The following CNTNAP2 variants were observed in gnomAD, a reference collection of about 807,000 sequenced individuals.
CNTNAP2 encodes the protein contactin-associated protein-like 2.
Under a neutral mutation model 155.2 loss-of-function variants are expected in CNTNAP2, and 98 were observed. The observed-to-expected ratio is 0.63, with a 90% confidence interval of 0.54 to 0.75. The LOEUF (loss-of-function observed/expected upper bound fraction) is 0.75, where lower values mean the gene tolerates loss of function less well. Ranked by LOEUF, CNTNAP2 falls within the 30% of genes least tolerant of loss-of-function variation. CNTNAP2 has a pLI of 0.00. For missense variants in CNTNAP2, 1,727 were observed against 1,688.1 expected (o/e 1.02, Z -0.40); for synonymous variants, 651 against 631.2 (o/e 1.03, Z -0.47).
intron 2 of CNTNAP2, among the ~76,000 whole-genome samples, chr7:146,817,218 T>G (rs1803189335): frequency 6.6e-6 from 1 of 152,042 alleles, no homozygotes; most frequent in Non-Finnish European, 1.5e-5. Flanking sequence ...ACCCCTGTAA[T>G]CCCAGCACTT....
intron 2 of CNTNAP2, among the ~76,000 whole-genome samples, chr7:146,831,878 T>C (rs1803520182): frequency 6.6e-6 from 1 of 151,554 alleles, no homozygotes; most frequent in African/African-American, 2.4e-5. Flanking sequence ...GTATTATATC[T>C]TCTTTCTTCT....
At chr7:148,084,720 T>A (rs1302942828) in intron 15 of CNTNAP2, among the ~76,000 whole-genome samples, 1 of 152,150 alleles carries the variant, frequency 6.6e-6, no homozygotes, top group Non-Finnish European at 1.5e-5. Flanking sequence ...ATCATTTGGG[T>A]CTCTTGTCCA....
intron 1 of CNTNAP2, among the ~76,000 whole-genome samples, chr7:146,655,683 A>G (rs1304989760): frequency 6.6e-6 from 1 of 152,108 alleles, no homozygotes; most frequent in Admixed American, 6.6e-5. Flanking sequence ...TGAGTCTAAT[A>G]TAGTACAACA....
At chr7:147,373,410 AGGTAG>A (rs1796382104) in intron 9 of CNTNAP2, among the ~76,000 whole-genome samples, 1 of 152,106 alleles carries the variant, frequency 6.6e-6, no homozygotes, top group Admixed American at 6.6e-5. Flanking sequence ...TATGAATTTT[AGGTAG>A]GTGCACAAAT....
intron 1 of CNTNAP2, among the ~76,000 whole-genome samples, chr7:146,664,449 C>T (rs1007283710): frequency 6.6e-6 from 1 of 152,234 alleles, no homozygotes; most frequent in East Asian, 1.9e-4. Flanking sequence ...GCGTGACCCA[C>T]CATGCCCAGC....
In CNTNAP2 at chr7:148,103,234, A is replaced by G. The variant is rs1340705169; in HGVS notation, c.2384-14884A>G. ...TTTTTTTTTTTTTATCTTAGTAGCT[A>G]TCGTTTTTAGGAATACAGTGGAGGC... is the stretch of plus-strand genomic sequence containing the variant. On this transcript the variant is annotated intron_variant, in intron 15 of 23. Transcript: ENST00000361727. 3.4e-5 allele frequency among the ~76,000 whole-genome samples: 5 copies of G among 147,614 alleles called. No homozygotes were observed. The Admixed American group carries it at 3.4e-4, about 10-fold the overall frequency.
intron 3 of CNTNAP2, among the ~76,000 whole-genome samples, chr7:146,916,542 AC>A (rs1335590224): frequency 6.6e-6 from 1 of 151,910 alleles, no homozygotes; most frequent in Non-Finnish European, 1.5e-5. Flanking sequence ...TCTATTTCTT[AC>A]TAGTTTAATC....
intron 9 of CNTNAP2, among the ~76,000 whole-genome samples, chr7:147,392,696 T>G (rs1267331145): frequency 1.3e-5 from 2 of 152,102 alleles, no homozygotes; most frequent in African/African-American, 4.8e-5. Flanking sequence ...TTCATTTAAT[T>G]TTATGACTGA....
At chr7:146,363,059 G>A (rs547050982) in intron 1 of CNTNAP2, among the ~76,000 whole-genome samples, 19 of 137,904 alleles carry the variant, frequency 1.4e-4, no homozygotes, top group Middle Eastern at 3.7e-3. Context: ...GTGAGCCACC[G>A]CGCCTGGCCC....
intron 1 of CNTNAP2, among the ~76,000 whole-genome samples, chr7:146,645,772 T>A (rs1472464948): frequency 6.6e-6 from 1 of 150,624 alleles, no homozygotes; most frequent in Non-Finnish European, 1.5e-5. Context: ...AGCTACCCAG[T>A]GTGTGTGTGT....
At chr7:146,170,958 C>T (rs1009706996) in intron 1 of CNTNAP2, among the ~76,000 whole-genome samples, 4 of 151,940 alleles carry the variant, frequency 2.6e-5, no homozygotes, top group African/African-American at 9.7e-5. Context: ...ACCTGGGGGG[C>T]GGAGGTTACA....
At chr7:147,315,471 T>C (rs1474484193) in intron 9 of CNTNAP2, among the ~76,000 whole-genome samples, 1 of 136,126 alleles carries the variant, frequency 7.3e-6, no homozygotes, top group Non-Finnish European at 1.6e-5. Context: ...GATTTGTTTA[T>C]TCTGGACTTT....
chr7:148,054,447 CTTTTT>C (rs61157011), intron 15 of CNTNAP2, among the ~76,000 whole-genome samples: 2 of 73,074 alleles, frequency 2.7e-5, no homozygotes, highest in Non-Finnish European at 4.8e-5. Context: ...TCTCAGTGGC[CTTTTT>C]TTTTTTTTTT....
chr7:147,275,768 T>A (rs1415267250), intron 8 of CNTNAP2, among the ~76,000 whole-genome samples: 3 of 152,240 alleles, frequency 2.0e-5, no homozygotes, highest in East Asian at 3.9e-4. Flanking sequence ...TGCTTTCAAC[T>A]TTTCCTCATT....
chr7:147,817,213 A>G (rs376045277), intron 13 of CNTNAP2, among the ~76,000 whole-genome samples: 56 of 152,342 alleles, frequency 3.7e-4, no homozygotes, highest in Middle Eastern at 3.4e-3. Flanking sequence ...AAAAGAAAGA[A>G]AGAAAAATGA....
intron 15 of CNTNAP2, among the ~76,000 whole-genome samples, chr7:148,080,248 C>G (rs1803568571): frequency 6.6e-6 from 1 of 152,198 alleles, no homozygotes; most frequent in Non-Finnish European, 1.5e-5. Context: ...CAAAGCCCAG[C>G]TCATCCTGAC....
chr7:147,448,764 A>G (rs1186079068), intron 10 of CNTNAP2, among the ~76,000 whole-genome samples: 1 of 152,088 alleles, frequency 6.6e-6, no homozygotes, highest in Admixed American at 6.6e-5. Flanking sequence ...ATGAAAATTT[A>G]TGTTATAAAA....
chr7:147,579,030 A>T (rs1800449194), intron 12 of CNTNAP2, among the ~76,000 whole-genome samples: 1 of 152,110 alleles, frequency 6.6e-6, no homozygotes, highest in South Asian at 2.1e-4. Flanking sequence ...ATAATCTTTA[A>T]GTCATTGCTT....
chr7:146,349,238 G>C (rs934656771), intron 1 of CNTNAP2, among the ~76,000 whole-genome samples: 2 of 150,776 alleles, frequency 1.3e-5, no homozygotes, highest in East Asian at 1.9e-4. Flanking sequence ...TTCATGGTAG[G>C]ATGTGGGTGG....
Sources: allele counts gnomAD v4.1 joint callset (sites outside exome capture counted in the v4.1 genomes callset), GRCh38; gene constraint gnomAD v4.1.1; transcripts MANE v1.5; gene names NCBI Gene and HGNC (gene_info 2026-07-23, HGNC 2026-07-21).